PACRG: variants seen among roughly 807,000 people sequenced by gnomAD.
PACRG encodes parkin coregulated, also known as parkin coregulated gene protein.
A neutral mutation model predicts 29.7 loss-of-function variants in PACRG; 29 were observed. The observed-to-expected ratio is 0.98, with a 90% confidence interval of 0.73 to 1.33. The LOEUF (loss-of-function observed/expected upper bound fraction) is 1.33, where lower values mean the gene tolerates loss of function less well. PACRG is among the 40% of genes most tolerant of loss of function. The pLI is 0.00. For synonymous variants in PACRG, 116 were observed against 118.7 expected, an observed-to-expected ratio of 0.98 and a Z score of 0.15; for missense variants, 279 against 316.2, an observed-to-expected ratio of 0.88 and a Z score of 0.89.
At chr6:162,875,064 T>G (rs952793406) in intron 2 of PACRG, among the ~76,000 whole-genome samples, 1 of 151,984 alleles carries the variant, frequency 6.6e-6, no homozygotes, top group African/African-American at 2.4e-5. Flanking sequence ...CACACATGCA[T>G]TCACACCCTC....
intron 2 of PACRG, among the ~76,000 whole-genome samples, chr6:162,902,367 G>A (rs1415111543): frequency 6.6e-6 from 1 of 152,160 alleles, no homozygotes. Context: ...TATGGCTGAT[G>A]ATATACCTTT....
At chr6:163,177,962 G>T (rs1302036029) in intron 4 of PACRG, among the ~76,000 whole-genome samples, 1 of 152,032 alleles carries the variant, frequency 6.6e-6, no homozygotes, top group Non-Finnish European at 1.5e-5. Flanking sequence ...GCTCTGTCTT[G>T]TTCACCAACT....
At position 162,753,847 on chromosome 6, in the gene PACRG, T is replaced by C. The variant is rs544246979; in HGVS notation, c.156+25456T>C. Among the ~76,000 whole-genome samples the C allele has an allele frequency of 2.0e-5, 3 of 152,240 alleles. No homozygotes were observed. The South Asian group carries it at 6.2e-4, about 32-fold the overall frequency. On this transcript the variant is annotated intron_variant, in intron 1 of 4. Transcript: ENST00000366888. Reference sequence around the variant, plus strand: ...CTTCCCAGCCATGCAGGAGTGTGAGTTAATTAAACCTCTTTTCTTTATAAA... The same window carrying C: ...CTTCCCAGCCATGCAGGAGTGTGAGCTAATTAAACCTCTTTTCTTTATAAA...
At chr6:162,970,662 C>T (rs1357682403) in intron 2 of PACRG, among the ~76,000 whole-genome samples, 1 of 152,180 alleles carries the variant, frequency 6.6e-6, no homozygotes, top group Non-Finnish European at 1.5e-5. Context: ...TAGAACATCC[C>T]GTTGTATCTT....
chr6:162,766,764 A>G (rs1470824808), intron 1 of PACRG, among the ~76,000 whole-genome samples: 2 of 152,114 alleles, frequency 1.3e-5, no homozygotes, highest in East Asian at 1.9e-4. Context: ...ATTATTTAAT[A>G]TGTTCATATT....
At chr6:162,814,844 T>C (rs551035533) in intron 2 of PACRG, among the ~76,000 whole-genome samples, 5 of 152,308 alleles carry the variant, frequency 3.3e-5, no homozygotes, top group African/African-American at 1.2e-4. Context: ...GCCAAAGCCA[T>C]TACAGCACGG....
intron 4 of PACRG, among the ~76,000 whole-genome samples, chr6:163,282,976 A>G (rs233): frequency 0.23 from 34,716 of 152,214 alleles, 4,305 homozygotes; most frequent in Admixed American, 0.32. Context: ...AGTGGTTATC[A>G]TTTTATTAAA....
At chr6:163,200,286 T>C (rs6927470) in intron 4 of PACRG, among the ~76,000 whole-genome samples, 62,479 of 151,520 alleles carry the variant, frequency 0.41, 14,521 homozygotes, top group African/African-American at 0.63. Flanking sequence ...CCTGGGACTC[T>C]TGCATCACAA....
intron 2 of PACRG, among the ~76,000 whole-genome samples, chr6:162,871,402 C>A (rs1792791455): frequency 6.6e-6 from 1 of 152,154 alleles, no homozygotes; most frequent in Non-Finnish European, 1.5e-5. Flanking sequence ...GCATATAAAA[C>A]TTTTAAAACT....
intron 3 of PACRG, among the ~76,000 whole-genome samples, chr6:163,084,327 G>T (rs764564230): frequency 6.6e-6 from 1 of 151,856 alleles, no homozygotes; most frequent in Non-Finnish European, 1.5e-5. Context: ...GAAAAGAACT[G>T]TTTCAAAAAA....
chr6:163,008,084 G>T (rs1271457066), intron 2 of PACRG, among the ~76,000 whole-genome samples: 1 of 152,144 alleles, frequency 6.6e-6, no homozygotes, highest in East Asian at 1.9e-4. Context: ...AAAATGAAGG[G>T]ACTTTGCTAA....
intron 4 of PACRG, among the ~76,000 whole-genome samples, chr6:163,228,233 T>C (rs1781883159): frequency 6.6e-6 from 1 of 152,088 alleles, no homozygotes; most frequent in Non-Finnish European, 1.5e-5. Flanking sequence ...CAATGGATTC[T>C]TCAAATGAGA....
chr6:162,903,963 C>G (rs552772354), intron 2 of PACRG, among the ~76,000 whole-genome samples: 68 of 152,136 alleles, frequency 4.5e-4, no homozygotes, highest in African/African-American at 1.5e-3. Flanking sequence ...CAGGGGCTGG[C>G]GAGTCTGAAA....
chr6:163,277,502 T>TATAC (rs1784078507), intron 4 of PACRG, among the ~76,000 whole-genome samples: 2 of 144,362 alleles, frequency 1.4e-5, no homozygotes, highest in African/African-American at 5.2e-5. Context: ...TATACACACA[T>TATAC]ACACACACAC....
At chr6:163,200,148 G>C (rs1780636709) in intron 4 of PACRG, among the ~76,000 whole-genome samples, 1 of 152,182 alleles carries the variant, frequency 6.6e-6, no homozygotes, top group Admixed American at 6.5e-5. Context: ...CTGGCAACCA[G>C]AGGAATCTTT....
chr6:163,238,145 C>A (rs1057211621), intron 4 of PACRG, among the ~76,000 whole-genome samples: 4 of 152,098 alleles, frequency 2.6e-5, no homozygotes, highest in African/African-American at 9.7e-5. Context: ...TGTGGACTAG[C>A]ATCAGAATTA....
Position 162,912,368 on chromosome 6 carries a change from C to T in PACRG, c.291+98087C>T, listed in dbSNP as rs57503583. On this transcript the variant is annotated intron_variant, in intron 2 of 4. Coordinates refer to ENST00000366888, the MANE Select transcript of PACRG (RefSeq NM_001080379.2). ...AAATCCAGTAGCAGAATCAACTGGT[C>T]TTCGGGTGCATGTGTATGCTTAACT... is the stretch of plus-strand genomic sequence containing the variant. Among the ~76,000 whole-genome samples, 566 of 152,158 alleles carry T rather than the reference C, an allele frequency of 3.7e-3. 3 individuals are homozygous for T. The highest frequency in any genetic ancestry group is 0.013 in the African/African-American group (534 of 41,508).
intron 2 of PACRG, among the ~76,000 whole-genome samples, chr6:162,932,912 CT>C (rs1234971358): frequency 2.0e-5 from 3 of 150,514 alleles, no homozygotes; most frequent in South Asian, 2.1e-4. Context: ...TTGGGTTTAG[CT>C]TTTTTTTTCT....
chr6:162,774,500 C>A (rs773508722), intron 1 of PACRG, among the ~76,000 whole-genome samples: 3 of 152,176 alleles, frequency 2.0e-5, no homozygotes, highest in Non-Finnish European at 4.4e-5. Context: ...TCTGATTGAT[C>A]ATTATGTTGG....
Sources: allele counts gnomAD v4.1 joint callset (sites outside exome capture counted in the v4.1 genomes callset), GRCh38; gene constraint gnomAD v4.1.1; transcripts MANE v1.5; gene names NCBI Gene and HGNC (gene_info 2026-07-23, HGNC 2026-07-21).